The following CDIP1 variants were observed in gnomAD, a reference collection of about 807,000 sequenced individuals.
CDIP1 encodes the protein cell death-inducing p53-target protein 1.
In CDIP1, 9 loss-of-function variants were observed where a neutral mutation model predicts 17.7. That is an observed-to-expected ratio of 0.51 (90% CI 0.31 to 0.89). The LOEUF (loss-of-function observed/expected upper bound fraction) is 0.89, where lower values mean the gene tolerates loss of function less well. Among genes scored for constraint, CDIP1 ranks in the 40% least tolerant of loss-of-function variants. CDIP1 has a pLI of 0.05. For synonymous variants in CDIP1, 117 were observed against 109.5 expected (o/e 1.07, Z -0.43); for missense variants, 263 against 277.9 (o/e 0.95, Z 0.38).
rs941386894 is a variant in CDIP1 at position 4,510,987 on chromosome 16, G to A, written c.*1585C>T. 1 of 152,238 alleles carries A rather than the reference G, an allele frequency of 6.6e-6. No individual in the cohort carries two copies. The highest frequency in any genetic ancestry group is 2.4e-5 in the African/African-American group (1 of 41,444). 9.4% of individuals were successfully genotyped at this position (152,238 alleles called of 1,614,324 possible). On this transcript the variant is annotated 3_prime_UTR_variant, in exon 6 of 6. Transcript: ENST00000567695. ...ATGCTGTGCTCAAGCCTGCGGGTAG[G>A]AGGGCTCCAGCTTGCAGATCCCATG...
At position 4,513,192 on chromosome 16, in the gene CDIP1, G is replaced by A. The variant is rs533114438; in HGVS notation, c.242-128C>T. Reference sequence around the variant, plus strand: ...AAGGCTACGCCTCAGACCTCCTACCGCCCTCCTAACGGGCCAGTGGGAGGC... The same window carrying A: ...AAGGCTACGCCTCAGACCTCCTACCACCCTCCTAACGGGCCAGTGGGAGGC... On this transcript the variant is annotated intron_variant, in intron 4 of 5. Transcript: ENST00000567695. The surrounding 1 kb of genome is among the most constrained non-coding windows in gnomAD (Gnocchi z 4.1). 829 of 999,010 alleles carry A rather than the reference G, an allele frequency of 8.3e-4. No individual in the cohort carries two copies. The highest frequency in any genetic ancestry group is 1.0e-3 in the Non-Finnish European group (734 of 701,682). The allele number at this position is 999,010 out of a possible 1,614,324, so 61.9% of individuals were successfully genotyped here.
intron 1 of CDIP1, among the ~76,000 whole-genome samples, chr16:4,534,433 G>A (rs561865774): frequency 1.3e-5 from 2 of 152,354 alleles, no homozygotes; most frequent in East Asian, 3.9e-4. Context: ...ATGGGGCTGG[G>A]AGAGCCCACG....
chr16:4,530,927 C>T (rs141835295), intron 1 of CDIP1, among the ~76,000 whole-genome samples: 1 of 152,100 alleles, frequency 6.6e-6, no homozygotes, highest in Non-Finnish European at 1.5e-5. Context: ...AACTCTAAGT[C>T]AACATCTGGC....
At chr16:4,521,286 G>A (rs893054010) in intron 1 of CDIP1, among the ~76,000 whole-genome samples, 1 of 152,146 alleles carries the variant, frequency 6.6e-6, no homozygotes, top group Admixed American at 6.6e-5. Context: ...TATTAAAACA[G>A]TTCTGATCCT....
intron 1 of CDIP1, among the ~76,000 whole-genome samples, chr16:4,528,337 G>A (rs1315130531): frequency 6.6e-6 from 1 of 152,058 alleles, no homozygotes; most frequent in Non-Finnish European, 1.5e-5. Flanking sequence ...CCTCTGCCTC[G>A]CTAAGAGCTG....
intron 1 of CDIP1, among the ~76,000 whole-genome samples, chr16:4,528,117 A>G (rs907783168): frequency 2.0e-5 from 3 of 152,246 alleles, no homozygotes; most frequent in Admixed American, 6.5e-5. Context: ...ATGCCTGGCC[A>G]ATGATATAGA....
At chr16:4,528,708 G>T (rs2059025751) in intron 1 of CDIP1, among the ~76,000 whole-genome samples, 1 of 79,544 alleles carries the variant, frequency 1.3e-5, no homozygotes, top group South Asian at 3.5e-4. Flanking sequence ...AAAAAAAAAG[G>T]CTGGCCGCGG....
chr16:4,512,006 A>G lies in CDIP1; in HGVS notation c.*566T>C, dbSNP rs902159248. 41 of 158,884 alleles carry G rather than the reference A, an allele frequency of 2.6e-4. No individual in the cohort carries two copies. The highest frequency in any genetic ancestry group is 6.7e-3 in the Middle Eastern group (2 of 298). The allele number at this position is 158,884 out of a possible 1,614,324, so 9.8% of individuals were successfully genotyped here. On this transcript the variant is annotated 3_prime_UTR_variant, in exon 6 of 6. Coordinates refer to ENST00000567695, the MANE Select transcript of CDIP1 (RefSeq NM_013399.3). This position sits in a 1 kb window ranked among gnomAD's most constrained non-coding sequence, Gnocchi z 4.6. Reference sequence around the variant, plus strand: ...TATACCTGAGAGTTCTGAGGGCCAGAGTTGGCAGTTTTACTTCCAGCCACC... The same window carrying G: ...TATACCTGAGAGTTCTGAGGGCCAGGGTTGGCAGTTTTACTTCCAGCCACC...
intron 1 of CDIP1, among the ~76,000 whole-genome samples, chr16:4,523,242 G>A (rs918175421): frequency 2.0e-5 from 3 of 152,206 alleles, no homozygotes; most frequent in East Asian, 1.9e-4. Context: ...CTGGCTGGGC[G>A]CAGTGGCTCA....
intron 1 of CDIP1, among the ~76,000 whole-genome samples, chr16:4,516,821 CCT>C (rs1467433193): frequency 1.3e-5 from 2 of 151,228 alleles, no homozygotes; most frequent in Non-Finnish European, 2.9e-5. Context: ...GATTCTCCTG[CCT>C]CAGCCTCCCA....
Position 4,513,139 on chromosome 16 carries a change from G to A in CDIP1, c.242-75C>T. The A allele has an allele frequency of 7.1e-7, 1 of 1,401,086 alleles. No homozygotes were observed. Among genetic ancestry groups the A allele is most frequent in the South Asian group, 1.4e-5 (1 of 70,398 alleles). The allele number at this position is 1,401,086 out of a possible 1,614,324, so 86.8% of individuals were successfully genotyped here. A position where few individuals can be genotyped will look rare whatever the true frequency, so the allele number is the denominator to read the frequency against. On this transcript the variant is annotated intron_variant, in intron 4 of 5. Coordinates refer to ENST00000567695, the MANE Select transcript of CDIP1 (RefSeq NM_013399.3). This position sits in a 1 kb window ranked among gnomAD's most constrained non-coding sequence, Gnocchi z 4.1. ...CACCAGACAAAGAGATTGGCGCAAAGCCCCACGGTCCACAGCGCCCAGCGT... is the reference window on the plus strand; with the variant it reads ...CACCAGACAAAGAGATTGGCGCAAAACCCCACGGTCCACAGCGCCCAGCGT...
intron 1 of CDIP1, among the ~76,000 whole-genome samples, chr16:4,530,961 G>T (rs886909153): frequency 6.6e-6 from 1 of 152,082 alleles, no homozygotes; most frequent in Non-Finnish European, 1.5e-5. Context: ...ATGCTGGCTG[G>T]GACAGAAGAC....
chr16:4,522,652 T>G (rs1300670005), intron 1 of CDIP1: 1 of 152,304 alleles, frequency 6.6e-6, no homozygotes, highest in East Asian at 1.9e-4. Flanking sequence ...TTCTTGGGTC[T>G]GAAAAGAGAA....
At chr16:4,521,097 TG>T (rs1477114902) in intron 1 of CDIP1, among the ~76,000 whole-genome samples, 1 of 152,076 alleles carries the variant, frequency 6.6e-6, no homozygotes, top group African/African-American at 2.4e-5. Context: ...GGTGTGTGTG[TG>T]TGTGTGTGTG....
Position 4,513,192 on chromosome 16 carries a change from G to T in CDIP1, c.242-128C>A. The T allele has an allele frequency of 1.0e-6, 1 of 999,018 alleles. No homozygotes were observed. Among genetic ancestry groups the T allele is most frequent in the Non-Finnish European group, 1.4e-6 (1 of 701,690 alleles). 61.9% of individuals were successfully genotyped at this position (999,018 alleles called of 1,614,324 possible). ...AAGGCTACGCCTCAGACCTCCTACC[G>T]CCCTCCTAACGGGCCAGTGGGAGGC... On this transcript the variant is annotated intron_variant, in intron 4 of 5. Transcript: ENST00000567695. The surrounding 1 kb of genome is among the most constrained non-coding windows in gnomAD (Gnocchi z 4.1).
Position 4,512,523 on chromosome 16 carries a change from G to T in CDIP1, c.*49C>A. 1 of 1,382,998 alleles carries T rather than the reference G, an allele frequency of 7.2e-7. No homozygotes were observed. Among genetic ancestry groups the T allele is most frequent in the Non-Finnish European group, 1.0e-6 (1 of 970,356 alleles). The allele number at this position is 1,382,998 out of a possible 1,614,324, so 85.7% of individuals were successfully genotyped here. Reference sequence around the variant, plus strand: ...GTGACCACTGAGCACAGGGAGCAAAGCACAGGGGGCCAGACTGACAGGCGG... The same window carrying T: ...GTGACCACTGAGCACAGGGAGCAAATCACAGGGGGCCAGACTGACAGGCGG... On this transcript the variant is annotated 3_prime_UTR_variant, in exon 6 of 6. Transcript: ENST00000567695. This position sits in a 1 kb window ranked among gnomAD's most constrained non-coding sequence, Gnocchi z 4.6.
Position 4,513,762 on chromosome 16 carries a change from G to A in CDIP1, c.175C>T (p.His59Tyr). The change falls in exon 4 of 6, where the codon CAC (histidine) becomes TAC (tyrosine). Residue 59 changes from histidine (H) to tyrosine (Y), a missense_variant. Physicochemically the swap from His to Tyr is moderately conservative, Grantham distance 83. Coordinates refer to ENST00000567695, the MANE Select transcript of CDIP1 (RefSeq NM_013399.3). The surrounding 1 kb of genome is among the most constrained non-coding windows in gnomAD (Gnocchi z 4.1). ...IGPPPYEPPG[H>Y]PMPQPGFIPP... The stretch of plus-strand genomic sequence containing the variant: ...ATGAAGCCAGGCTGGGGCATTGGGT[G>A]ACCCGGCGGCTCATAGGGTGGGGGG... The A allele has an allele frequency of 1.2e-6, 2 of 1,613,028 alleles. No individual in the cohort carries two copies. Among genetic ancestry groups the A allele is most frequent in the Non-Finnish European group, 8.5e-7 (1 of 1,179,336 alleles).
chr16:4,519,696 C>T (rs1167831270), intron 1 of CDIP1, among the ~76,000 whole-genome samples: 1 of 152,096 alleles, frequency 6.6e-6, no homozygotes, highest in East Asian at 1.9e-4. Flanking sequence ...AGATAAATGC[C>T]CTCCCTGGGG....
At position 4,511,519 on chromosome 16, in the gene CDIP1, C is replaced by G. The variant is rs1329555027; in HGVS notation, c.*1053G>C. On this transcript the variant is annotated 3_prime_UTR_variant, in exon 6 of 6. Coordinates refer to ENST00000567695, the MANE Select transcript of CDIP1 (RefSeq NM_013399.3). The stretch of plus-strand genomic sequence containing the variant: ...GAGGCTGGTGTCCACCAAGGCAGTT[C>G]TACCACTTGTGGCTGCTCCTTCCTC... The G allele has an allele frequency of 6.6e-6, 1 of 152,466 alleles. No individual in the cohort carries two copies. Among genetic ancestry groups the G allele is most frequent in the Non-Finnish European group, 1.5e-5 (1 of 68,110 alleles). 9.4% of individuals were successfully genotyped at this position (152,466 alleles called of 1,614,324 possible).
Sources: gnomAD v4.1 joint callset for allele counts (sites outside exome capture counted in the v4.1 genomes callset) on GRCh38, gnomAD v4.1.1 for gene constraint, Gnocchi (gnomAD v3.1) non-coding constraint, MANE v1.5 for transcripts, NCBI Gene and HGNC (gene_info 2026-07-23, HGNC 2026-07-21) for gene names.